Variants in CAPN7 observed in about 807,000 individuals in gnomAD.
The protein encoded by CAPN7 is calpain 7, also known as calpain-7.
A neutral mutation model predicts 115.2 loss-of-function variants in CAPN7; 72 were observed. That is an observed-to-expected ratio of 0.63 (90% confidence interval 0.52 to 0.76). The LOEUF is 0.76. Among genes scored for constraint, CAPN7 ranks in the 30% least tolerant of loss-of-function variants. CAPN7 has a pLI of 0.00. For synonymous variants in CAPN7, 344 were observed against 322.3 expected (o/e 1.07, Z -0.72); for missense variants, 905 against 971.5 (o/e 0.93, Z 0.91).
chr3:15,244,921 T>TA (rs1203143133), intron 16 of CAPN7, among the ~76,000 whole-genome samples: 3 of 152,138 alleles, frequency 2.0e-5, no homozygotes, highest in African/African-American at 7.2e-5. Context: ...AAATGAAAGA[T>TA]ATAAGACATG....
intron 18 of CAPN7, chr3:15,247,121 A>C: frequency 1.8e-6 from 1 of 570,386 alleles, no homozygotes; most frequent in South Asian, 2.4e-5. Flanking sequence ...TAGAAAGAAC[A>C]ACTTGATTAG....
At chr3:15,222,596 C>T (rs542813182) in intron 5 of CAPN7, among the ~76,000 whole-genome samples, 1 of 152,282 alleles carries the variant, frequency 6.6e-6, no homozygotes, top group East Asian at 1.9e-4. Flanking sequence ...TGTGCACCAA[C>T]ACAGCACAAT....
At chr3:15,218,414 A>G (rs1693769212) in intron 3 of CAPN7, 59 bp from the exon 4 acceptor site, 4 of 1,321,252 alleles carry the variant, frequency 3.0e-6, no homozygotes, top group Non-Finnish European at 4.3e-6. Flanking sequence ...AGAAATATGG[A>G]TCAAGCAAAT....
chr3:15,247,096 A>G (rs1394255758), intron 18 of CAPN7: 7 of 564,034 alleles, frequency 1.2e-5, no homozygotes, highest in South Asian at 7.1e-5. Flanking sequence ...GGAAGATTCT[A>G]TGGAAAATTC....
intron 1 of CAPN7, among the ~76,000 whole-genome samples, chr3:15,208,781 A>G (rs1241284365): frequency 6.6e-6 from 1 of 152,174 alleles, no homozygotes; most frequent in Non-Finnish European, 1.5e-5. Context: ...ATGAGCTTCC[A>G]TGGTCCACTC....
intron 2 of CAPN7, among the ~76,000 whole-genome samples, chr3:15,213,683 T>A (rs1373111348): frequency 1.3e-5 from 2 of 152,212 alleles, no homozygotes; most frequent in East Asian, 3.8e-4. Flanking sequence ...AAAAAATAAA[T>A]ATGAATCATT....
intron 11 of CAPN7, 52 bp from the exon 12 acceptor site, chr3:15,234,973 T>G (rs1694901112): frequency 1.3e-6 from 2 of 1,533,316 alleles, no homozygotes; most frequent in Non-Finnish European, 1.8e-6. Context: ...GGTGTGATCT[T>G]AGATTACAAA....
intron 16 of CAPN7, among the ~76,000 whole-genome samples, chr3:15,242,909 C>T (rs969705826): frequency 6.6e-6 from 1 of 152,120 alleles, no homozygotes. Context: ...TCTTAAGGCT[C>T]TGGAGAATAG....
intron 12 of CAPN7, 94 bp from the exon 13 acceptor site, chr3:15,240,379 T>C: frequency 1.8e-6 from 2 of 1,099,106 alleles, no homozygotes; most frequent in Non-Finnish European, 2.7e-6. Flanking sequence ...GGGAAAAGAA[T>C]TGATAAGTAC....
chr3:15,230,546 T>C lies in CAPN7; in HGVS notation c.1032+11T>C. ...GGTGTCCCAAGAAAGGTGAATAATG[T>C]CTCTCCCCACTCCCATCCCTTGTCT... On this transcript the variant is annotated intron_variant, in intron 9 of 20. Coordinates refer to ENST00000253693, the MANE Select transcript of CAPN7 (RefSeq NM_014296.3). The C allele has an allele frequency of 6.6e-7, 1 of 1,510,992 alleles. No homozygotes were observed. 93.6% of individuals were successfully genotyped at this position (1,510,992 alleles called of 1,614,324 possible). A position where few individuals can be genotyped will look rare whatever the true frequency, so the allele number is the denominator to read the frequency against.
intron 12 of CAPN7, among the ~76,000 whole-genome samples, chr3:15,240,259 C>G (rs138406937): frequency 2.6e-5 from 4 of 152,258 alleles, no homozygotes; most frequent in Non-Finnish European, 4.4e-5. Flanking sequence ...TAACTACATG[C>G]GGTGAAAGAC....
At chr3:15,233,738 G>C in intron 10 of CAPN7, 129 bp from the exon 11 acceptor site, 1 of 615,792 alleles carries the variant, frequency 1.6e-6, no homozygotes, top group Non-Finnish European at 2.9e-6. Context: ...ATTACTAGTT[G>C]AAAACAACTA....
rs574868976 is a variant in CAPN7 at position 15,212,220 on chromosome 3, A to G, written c.211+8A>G. The G allele has an allele frequency of 2.1e-4, 303 of 1,459,404 alleles. 6 individuals carry two copies. The South Asian group carries it at 2.8e-3, about 13-fold the overall frequency. 90.4% of individuals were successfully genotyped at this position (1,459,404 alleles called of 1,614,324 possible). On this transcript the variant is annotated splice_region_variant and intron_variant, in intron 2 of 20. Coordinates refer to ENST00000253693, the MANE Select transcript of CAPN7 (RefSeq NM_014296.3). ...AAGCTCTACATTCAGCAGGTTAGTA[A>G]AGGACTACTAAACTTGTCACTCTAT...
rs1181941957 is a variant in CAPN7, at chr3:15,251,096, C to T, written c.2298-20C>T. On this transcript the variant is annotated intron_variant, in intron 20 of 20. Coordinates refer to ENST00000253693, the MANE Select transcript of CAPN7 (RefSeq NM_014296.3). ...GGCATCATCTTCTATAAACCTTATT[C>T]TCATTTTCTCTAAATATAGGTGTGG... The T allele has an allele frequency of 1.2e-6, 2 of 1,600,814 alleles. No homozygotes were observed. The highest frequency in any genetic ancestry group is 1.4e-5 in the African/African-American group (1 of 74,032).
chr3:15,245,244 T>G (rs1034744373), intron 16 of CAPN7, among the ~76,000 whole-genome samples: 3 of 150,788 alleles, frequency 2.0e-5, no homozygotes, highest in African/African-American at 7.3e-5. Flanking sequence ...GGGAGAAAAA[T>G]GCAACACAGA....
intron 2 of CAPN7, among the ~76,000 whole-genome samples, chr3:15,215,394 T>A (rs1456236042): frequency 6.6e-6 from 1 of 152,224 alleles, no homozygotes; most frequent in Non-Finnish European, 1.5e-5. Flanking sequence ...ATAATTCAGG[T>A]GTTTTTAGCC....
chr3:15,232,704 C>G (rs764875268), intron 10 of CAPN7, 39 bp downstream of exon 10: 6 of 1,537,402 alleles, frequency 3.9e-6, no homozygotes, highest in Non-Finnish European at 5.2e-6. Context: ...CAGATTTAAG[C>G]TATCTAATAT....
chr3:15,212,539 G>A (rs538093069), intron 2 of CAPN7, among the ~76,000 whole-genome samples: 17 of 152,260 alleles, frequency 1.1e-4, no homozygotes, highest in African/African-American at 3.4e-4. Flanking sequence ...TATCTGTCAC[G>A]TCTCTTCCTT....
chr3:15,233,404 A>C (rs182454778), intron 10 of CAPN7, among the ~76,000 whole-genome samples: 15 of 152,328 alleles, frequency 9.8e-5, no homozygotes, highest in Middle Eastern at 3.4e-3. Context: ...AGGATGTTAC[A>C]GTTTTTCTTT....
Sources: allele counts gnomAD v4.1 joint callset (sites outside exome capture counted in the v4.1 genomes callset), GRCh38; gene constraint gnomAD v4.1.1; transcripts MANE v1.5; gene names NCBI Gene and HGNC (gene_info 2026-07-23, HGNC 2026-07-21).